Variants in MAD1L1 observed in about 807,000 individuals in gnomAD.
MAD1L1 encodes the protein mitotic arrest deficient 1 like 1, also known as mitotic spindle assembly checkpoint protein MAD1.
MAD1L1 carries 95 observed loss-of-function variants against 96.9 expected under a neutral mutation model. That is an observed-to-expected ratio of 0.98 (90% CI 0.83 to 1.16). MAD1L1 has a LOEUF of 1.16. Among genes scored for constraint, MAD1L1 ranks in the 50% most tolerant of loss-of-function variants. The pLI is 0.00. For synonymous variants in MAD1L1, 473 were observed against 396.6 expected (o/e 1.19, Z -2.29); for missense variants, 1,007 against 954.4 (o/e 1.06, Z -0.73).
At chr7:2,005,213 C>A (rs1335519860) in intron 13 of MAD1L1, among the ~76,000 whole-genome samples, 2 of 152,146 alleles carry the variant, frequency 1.3e-5, no homozygotes, top group Non-Finnish European at 2.9e-5. Flanking sequence ...AGCCATCCAG[C>A]CATGAAGACA....
At chr7:2,131,736 T>G (rs958993152) in intron 11 of MAD1L1, among the ~76,000 whole-genome samples, 6 of 152,184 alleles carry the variant, frequency 3.9e-5, no homozygotes, top group African/African-American at 1.4e-4. Flanking sequence ...CTCTGTGCCC[T>G]TCAGCCCCCA....
intron 12 of MAD1L1, among the ~76,000 whole-genome samples, chr7:2,059,828 T>C (rs911542115): frequency 1.3e-5 from 2 of 152,078 alleles, no homozygotes; most frequent in Non-Finnish European, 2.9e-5. Context: ...CAGGACCCAA[T>C]GGTACATCCA....
At chr7:1,829,102 C>T (rs752353558) in intron 18 of MAD1L1, among the ~76,000 whole-genome samples, 14 of 152,220 alleles carry the variant, frequency 9.2e-5, no homozygotes, top group East Asian at 1.9e-4. Flanking sequence ...GCACATTGGG[C>T]GTGGGCTGTG....
intron 11 of MAD1L1, among the ~76,000 whole-genome samples, chr7:2,090,493 C>T (rs1213795901): frequency 6.6e-6 from 1 of 152,230 alleles, no homozygotes; most frequent in Non-Finnish European, 1.5e-5. Flanking sequence ...GGAACGGTGT[C>T]ACGAACGGAC....
intron 14 of MAD1L1, among the ~76,000 whole-genome samples, chr7:1,983,166 A>G (rs919969719): frequency 8.4e-4 from 109 of 129,820 alleles, no homozygotes; most frequent in African/African-American, 4.0e-3. Flanking sequence ...ACACACACAC[A>G]CACACACACA....
intron 18 of MAD1L1, among the ~76,000 whole-genome samples, chr7:1,873,205 A>G (rs1011956910): frequency 2.0e-5 from 3 of 152,084 alleles, no homozygotes; most frequent in African/African-American, 7.2e-5. Flanking sequence ...CCCACCGTAA[A>G]TGTGTGCAGG....
intron 18 of MAD1L1, among the ~76,000 whole-genome samples, chr7:1,819,517 G>A (rs1429572613): frequency 1.3e-5 from 2 of 152,208 alleles, no homozygotes; most frequent in African/African-American, 4.8e-5. Context: ...TGGAGGGCCG[G>A]GGACCTCTGC....
At chr7:1,905,907 G>A (rs1481688566) in intron 17 of MAD1L1, among the ~76,000 whole-genome samples, 6 of 152,030 alleles carry the variant, frequency 3.9e-5, no homozygotes, top group Admixed American at 6.6e-5. Context: ...AAAATTAGCC[G>A]GACGTGGTGG....
chr7:1,944,686 A>T (rs1029882872), intron 16 of MAD1L1, among the ~76,000 whole-genome samples: 1 of 152,114 alleles, frequency 6.6e-6, no homozygotes, highest in Admixed American at 6.5e-5. Context: ...CAGCCGGAAG[A>T]GCCTCTAGGG....
At chr7:1,970,805 C>G (rs1780369613) in intron 15 of MAD1L1, among the ~76,000 whole-genome samples, 2 of 152,100 alleles carry the variant, frequency 1.3e-5, no homozygotes, top group Non-Finnish European at 2.9e-5. Context: ...GAACTGCAGG[C>G]ATGTGGTGGT....
At chr7:1,867,527 TGCA>T (rs1007214861) in intron 18 of MAD1L1, among the ~76,000 whole-genome samples, 4 of 152,264 alleles carry the variant, frequency 2.6e-5, no homozygotes, top group African/African-American at 9.6e-5. Flanking sequence ...TGCATCCCAC[TGCA>T]GGTGTGCAGT....
At position 2,178,888 on chromosome 7, in the gene MAD1L1, C is replaced by CAA. The variant is rs1192952349; in HGVS notation, c.987-29652_987-29651dup. On this transcript the variant is annotated intron_variant, in intron 10 of 18. Coordinates refer to ENST00000265854, the MANE Select transcript of MAD1L1 (RefSeq NM_001013836.2). ...CTTCAGCCTAGGCGACACAGAGTCTCAAAAAAAAAAAAAAGAAAAGAAAAG... is the reference window on the plus strand; with the variant it reads ...CTTCAGCCTAGGCGACACAGAGTCTCAAAAAAAAAAAAAAAAGAAAAGAAAAG... Among the ~76,000 whole-genome samples, 11 of 88,124 alleles carry CAA rather than the reference C, an allele frequency of 1.2e-4. No homozygotes were observed. The East Asian group carries it at 2.4e-3, about 19-fold the overall frequency. 57.8% of individuals were successfully genotyped at this position (88,124 alleles called of 152,430 possible).
At chr7:1,929,796 C>A (rs1217875864) in intron 17 of MAD1L1, among the ~76,000 whole-genome samples, 4 of 123,762 alleles carry the variant, frequency 3.2e-5, no homozygotes, top group Admixed American at 1.5e-4. Context: ...GCCACGTCCC[C>A]TCGCCCCGTC....
At chr7:2,067,629 C>T (rs986767471) in intron 12 of MAD1L1, among the ~76,000 whole-genome samples, 7 of 145,338 alleles carry the variant, frequency 4.8e-5, no homozygotes, top group Non-Finnish European at 7.4e-5. Context: ...CCCGAACCAC[C>T]GCAGTGGTCA....
intron 18 of MAD1L1, among the ~76,000 whole-genome samples, chr7:1,823,209 T>G (rs1782220066): frequency 6.6e-6 from 1 of 152,010 alleles, no homozygotes; most frequent in African/African-American, 2.4e-5. Flanking sequence ...TGGACACACT[T>G]AGTTAAAAAA....
chr7:1,963,420 G>C (rs371300707), intron 15 of MAD1L1, among the ~76,000 whole-genome samples: 1 of 152,198 alleles, frequency 6.6e-6, no homozygotes, highest in Non-Finnish European at 1.5e-5. Context: ...GGTTTGGGGT[G>C]GGGAGAGGAG....
At chr7:2,229,733 G>T (rs755327014) in intron 3 of MAD1L1, among the ~76,000 whole-genome samples, 5 of 152,244 alleles carry the variant, frequency 3.3e-5, no homozygotes, top group Non-Finnish European at 7.3e-5. Context: ...TTGTGTGAAC[G>T]CAATGCTGAG....
At chr7:1,967,509 G>A (rs1414834683) in intron 15 of MAD1L1, among the ~76,000 whole-genome samples, 3 of 152,238 alleles carry the variant, frequency 2.0e-5, no homozygotes, top group East Asian at 1.9e-4. Context: ...TTTACAGCAC[G>A]CAAACACTAC....
chr7:2,097,198 C>T (rs1341822372), intron 11 of MAD1L1, among the ~76,000 whole-genome samples: 1 of 151,430 alleles, frequency 6.6e-6, no homozygotes, highest in Non-Finnish European at 1.5e-5. Flanking sequence ...CCCAGGCACG[C>T]GCTCACCCCT....
Sources: allele counts gnomAD v4.1 joint callset (sites outside exome capture counted in the v4.1 genomes callset), GRCh38; gene constraint gnomAD v4.1.1; transcripts MANE v1.5; gene names NCBI Gene and HGNC (gene_info 2026-07-23, HGNC 2026-07-21).